The following CD36 variants were observed in gnomAD, a reference collection of about 807,000 sequenced individuals.
CD36 encodes platelet glycoprotein 4.
In CD36, 119 loss-of-function variants were observed where a neutral mutation model predicts 55.2. The ratio of observed to expected loss-of-function variants is 2.15; its 90% CI spans 1.86 to 2.51. The LOEUF is 2.51. Ranked by LOEUF, CD36 falls within the 30% of genes most tolerant of loss-of-function variation. The pLI, the probability that CD36 is intolerant of heterozygous loss-of-function variation, is 0.00. For missense variants in CD36, 819 were observed against 555.5 expected, an observed-to-expected ratio of 1.47 and a Z score of -4.77; for synonymous variants, 186 against 193.6, an observed-to-expected ratio of 0.96 and a Z score of 0.33.
rs371551921 is a variant in CD36, at chr7:80,661,187, A to C, written c.406A>C (p.Thr136Pro). The change falls in exon 5 of 15, where the codon ACA (threonine) becomes CCA (proline). Residue 136 changes from threonine (T) to proline (P), a missense_variant. By Grantham distance (38) the Thr-to-Pro change is conservative (BLOSUM62 -1). Coordinates refer to ENST00000447544, the MANE Select transcript of CD36 (RefSeq NM_001001548.3). ...LSVGTEADNF[T>P]VLNLAVAAAS... is the part of the protein sequence containing the mutation. ...AGTTGGAACAGAGGCTGACAACTTC[A>C]CAGTTCTCAATCTGGCTGTGGCAGT... 2 of 1,613,888 alleles carry C rather than the reference A, an allele frequency of 1.2e-6. No homozygotes were observed. Among genetic ancestry groups the C allele is most frequent in the African/African-American group, 1.3e-5 (1 of 74,938 alleles).
At chr7:80,667,882 T>C (rs927856300) in intron 8 of CD36, among the ~76,000 whole-genome samples, 2 of 151,396 alleles carry the variant, frequency 1.3e-5, no homozygotes, top group Admixed American at 6.6e-5. Context: ...TCATGAGTAG[T>C]TGGGACTACA....
At chr7:80,648,480 C>G (rs146962779) in intron 3 of CD36, among the ~76,000 whole-genome samples, 2 of 151,996 alleles carry the variant, frequency 1.3e-5, no homozygotes, top group Admixed American at 1.3e-4. Context: ...CATGTAGATT[C>G]TTTTGAATAG....
rs1798213950 is a variant in CD36 at position 80,678,003 on chromosome 7, A to G, written c.*1620A>G. The G allele has an allele frequency of 6.6e-6, 1 of 152,232 alleles. No homozygotes were observed. The highest frequency in any genetic ancestry group is 1.5e-5 in the Non-Finnish European group (1 of 68,044). The allele number at this position is 152,232 out of a possible 1,614,324, so 9.4% of individuals were successfully genotyped here. The stretch of plus-strand genomic sequence containing the variant: ...GAGGAAAGACAATTCATATACAAAG[A>G]CAACGAGATTAAAAATATGCAGTAG... On this transcript the variant is annotated 3_prime_UTR_variant, in exon 15 of 15. Coordinates refer to ENST00000447544, the MANE Select transcript of CD36 (RefSeq NM_001001548.3).
chr7:80,676,924 T>C lies in CD36; in HGVS notation c.*541T>C, dbSNP rs545154073. On this transcript the variant is annotated 3_prime_UTR_variant, in exon 15 of 15. Transcript: ENST00000447544. ...ATGAAATATTACAAAGCGTAGACTA[T>C]GCATTGTTATTCATTATAATATTTT... 6.6e-6 allele frequency: 1 copy of C among 152,286 alleles called. No homozygotes were observed. The highest frequency in any genetic ancestry group is 6.5e-5 in the Admixed American group (1 of 15,288). The allele number at this position is 152,286 out of a possible 1,614,324, so 9.4% of individuals were successfully genotyped here. A position where few individuals can be genotyped will look rare whatever the true frequency, so the allele number is the denominator to read the frequency against.
chr7:80,628,503 A>T (rs910106952), intron 1 of CD36, among the ~76,000 whole-genome samples: 1 of 152,120 alleles, frequency 6.6e-6, no homozygotes, highest in African/African-American at 2.4e-5. Flanking sequence ...GTAGAAAACC[A>T]TATTGCAGAA....
In CD36 at chr7:80,603,773, A is replaced by AAAAAAG. The variant is rs201149182; in HGVS notation, c.-184+1399_-184+1400insGAAAAA. Among the ~76,000 whole-genome samples, 135 of 125,834 alleles carry AAAAAAG rather than the reference A, an allele frequency of 1.1e-3. No individual in the cohort carries two copies. In the East Asian group the frequency reaches 0.012, roughly 11 times the overall value. 82.6% of individuals were successfully genotyped at this position (125,834 alleles called of 152,430 possible). ...AACTCAAGAATTACAGTCAGGCAAA[A>AAAAAAG]AAAAAAAAAAAAAGAGTTTTAAACT... is the stretch of plus-strand genomic sequence containing the variant. On this transcript the variant is annotated intron_variant, in intron 1 of 13. Transcript: ENST00000309881.
upstream of CD36, among the ~76,000 whole-genome samples, chr7:80,636,045 C>T (rs573110370): frequency 1.3e-5 from 2 of 152,164 alleles, no homozygotes; most frequent in South Asian, 2.1e-4. Context: ...GTGAATTAAA[C>T]AGACAAGCAT....
intron 1 of CD36, among the ~76,000 whole-genome samples, chr7:80,623,737 T>C (rs62461694): frequency 0.054 from 8,204 of 152,176 alleles, 284 homozygotes; most frequent in Middle Eastern, 0.11. Context: ...AGGATACATG[T>C]TGTTATGTGG....
chr7:80,619,546 CT>C (rs1757392275), intron 1 of CD36, among the ~76,000 whole-genome samples: 1 of 150,516 alleles, frequency 6.6e-6, no homozygotes, highest in Admixed American at 6.7e-5. Flanking sequence ...ACTCGAGAGG[CT>C]GAGGCAGGAG....
intron 1 of CD36, among the ~76,000 whole-genome samples, chr7:80,618,247 T>A (rs1259022839): frequency 6.6e-6 from 1 of 152,136 alleles, no homozygotes; most frequent in Non-Finnish European, 1.5e-5. Flanking sequence ...GTGAAAATAG[T>A]GACACTTAAA....
chr7:80,673,909 G>A, intron 13 of CD36, 74 bp from the exon 14 acceptor site: 2 of 1,074,358 alleles, frequency 1.9e-6, no homozygotes. Flanking sequence ...AGAAAAAAGG[G>A]TGATAGGCAA....
intron 7 of CD36, 190 bp from the exon 8 acceptor site, chr7:80,666,253 A>G (rs1797080960): frequency 1.8e-6 from 1 of 549,376 alleles, no homozygotes; most frequent in Non-Finnish European, 3.3e-6. Flanking sequence ...ACCTAATGGC[A>G]TCAGGTACAT....
chr7:80,651,302 G>A (rs1795597141), intron 3 of CD36, among the ~76,000 whole-genome samples: 1 of 152,038 alleles, frequency 6.6e-6, no homozygotes, highest in African/African-American at 2.4e-5. Flanking sequence ...CTTATTACCT[G>A]CGTGAAGAAA....
At chr7:80,673,444 C>G in intron 13 of CD36, 35 bp downstream of exon 13, 14 of 1,244,242 alleles carry the variant, frequency 1.1e-5, no homozygotes, top group Non-Finnish European at 1.5e-5. Context: ...TTAAAAACAA[C>G]CTTCTTTGTA....
chr7:80,616,909 T>C (rs1329032730), intron 1 of CD36, among the ~76,000 whole-genome samples: 3 of 152,188 alleles, frequency 2.0e-5, no homozygotes, highest in Non-Finnish European at 4.4e-5. Flanking sequence ...CAGAAAACTA[T>C]CACTACAGCT....
chr7:80,663,159 T>C lies in CD36; in HGVS notation c.599T>C (p.Leu200Pro), dbSNP rs780355823. Residue 200 changes from leucine (L) to proline (P), a missense_variant, in exon 6 of 15, where the codon CTG becomes CCG. Transcript: ENST00000447544. Reference protein sequence around the residue: ...VPYPVTTTVGLFYPYNNTADG... With the variant: ...VPYPVTTTVGPFYPYNNTADG... The stretch of plus-strand genomic sequence containing the variant: ...TACCCTGTTACTACCACAGTTGGTC[T>C]GTTTTATCCTGTAAGTACCAAATAT... 3.1e-6 allele frequency: 5 copies of C among 1,612,790 alleles called. No homozygotes were observed. Among genetic ancestry groups the C allele is most frequent in the Non-Finnish European group, 4.2e-6 (5 of 1,178,894 alleles).
intron 1 of CD36, chr7:80,623,855 T>G (rs1017452650): frequency 6.6e-6 from 1 of 152,240 alleles, no homozygotes; most frequent in Admixed American, 6.5e-5. Context: ...TGTTTCTGTG[T>G]GCTTTTAGAC....
rs1235375933 is a variant in CD36 at position 80,678,228 on chromosome 7, C to G, written c.*1845C>G. ...GAAAGGGTAAATGTTTGGACACTTG[C>G]AATTGCTCATGGATGAATTTATATG... On this transcript the variant is annotated 3_prime_UTR_variant, in exon 15 of 15. Coordinates refer to ENST00000447544, the MANE Select transcript of CD36 (RefSeq NM_001001548.3). The G allele has an allele frequency of 2.0e-5, 3 of 152,020 alleles. No individual in the cohort carries two copies. The highest frequency in any genetic ancestry group is 6.6e-5 in the Admixed American group (1 of 15,242). The allele number at this position is 152,020 out of a possible 1,614,324, so 9.4% of individuals were successfully genotyped here. A position where few individuals can be genotyped will look rare whatever the true frequency, so the allele number is the denominator to read the frequency against.
At chr7:80,637,629 A>G (rs141397180), upstream of CD36, among the ~76,000 whole-genome samples, 125 of 151,956 alleles carry the variant, frequency 8.2e-4, no homozygotes, top group African/African-American at 2.6e-3. Flanking sequence ...TGTGCCTCAC[A>G]TGCCCAAAAA....
Sources: gnomAD v4.1 joint callset for allele counts (sites outside exome capture counted in the v4.1 genomes callset) on GRCh38, gnomAD v4.1.1 for gene constraint, MANE v1.5 for transcripts, NCBI Gene and HGNC (gene_info 2026-07-23, HGNC 2026-07-21) for gene names.